KCNH5: variants seen among roughly 807,000 people sequenced by gnomAD.
KCNH5 encodes potassium voltage-gated channel subfamily H member 5.
In KCNH5, 46 loss-of-function variants were observed where a neutral mutation model predicts 96.1. That is an observed-to-expected ratio of 0.48 (90% CI 0.38 to 0.61). The LOEUF (loss-of-function observed/expected upper bound fraction) is 0.61, where lower values mean the gene tolerates loss of function less well. Ranked by LOEUF, KCNH5 falls within the 20% of genes least tolerant of loss-of-function variation. KCNH5 has a pLI of 0.00. For synonymous variants in KCNH5, 439 were observed against 449.8 expected, an observed-to-expected ratio of 0.98 and a Z score of 0.30; for missense variants, 907 against 1,225.8, an observed-to-expected ratio of 0.74 and a Z score of 3.88.
At chr14:62,984,447 G>C (rs1890667102) in intron 5 of KCNH5, among the ~76,000 whole-genome samples, 1 of 152,148 alleles carries the variant, frequency 6.6e-6, no homozygotes, top group Non-Finnish European at 1.5e-5. Context: ...AAATTTATCT[G>C]TCTTTGAAAA....
chr14:62,904,315 C>T (rs1052423479), intron 7 of KCNH5, among the ~76,000 whole-genome samples: 3 of 152,326 alleles, frequency 2.0e-5, no homozygotes, highest in East Asian at 3.9e-4. Flanking sequence ...AGGGTCTCCA[C>T]GCTAAATTCA....
intron 8 of KCNH5, among the ~76,000 whole-genome samples, chr14:62,818,521 G>A (rs1887046487): frequency 6.6e-6 from 1 of 152,104 alleles, no homozygotes; most frequent in African/African-American, 2.4e-5. Context: ...AATGTATCAA[G>A]TCTTGAAGAA....
intron 10 of KCNH5, among the ~76,000 whole-genome samples, chr14:62,761,829 G>C (rs1261733371): frequency 6.6e-6 from 1 of 152,156 alleles, no homozygotes; most frequent in Admixed American, 6.5e-5. Flanking sequence ...GCATCAAGAA[G>C]ACTGGCACAC....
intron 10 of KCNH5, among the ~76,000 whole-genome samples, chr14:62,720,775 G>A (rs1283291959): frequency 1.3e-5 from 2 of 152,150 alleles, no homozygotes; most frequent in Admixed American, 1.3e-4. Flanking sequence ...TTTAGTCTAA[G>A]CCGAAGGACA....
At chr14:62,964,936 C>T (rs565128192) in intron 6 of KCNH5, among the ~76,000 whole-genome samples, 9 of 152,172 alleles carry the variant, frequency 5.9e-5, no homozygotes, top group East Asian at 1.9e-4. Flanking sequence ...ACTATTGCAA[C>T]GGTCTTGAAT....
At chr14:62,871,885 A>C (rs1262464223) in intron 7 of KCNH5, among the ~76,000 whole-genome samples, 1 of 152,178 alleles carries the variant, frequency 6.6e-6, no homozygotes, top group Admixed American at 6.5e-5. Context: ...ATTTGTATGA[A>C]AATCTCAGAC....
chr14:62,783,273 A>C (rs1435324698), intron 9 of KCNH5, among the ~76,000 whole-genome samples: 1 of 152,190 alleles, frequency 6.6e-6, no homozygotes, highest in Non-Finnish European at 1.5e-5. Context: ...GTTATGGAAC[A>C]ATGTATGGTT....
intron 8 of KCNH5, among the ~76,000 whole-genome samples, chr14:62,818,875 T>C (rs1887054510): frequency 6.6e-6 from 1 of 152,204 alleles, no homozygotes; most frequent in South Asian, 2.1e-4. Flanking sequence ...AAATAATGGT[T>C]ACAGGAAACA....
intron 8 of KCNH5, among the ~76,000 whole-genome samples, chr14:62,804,379 T>C (rs559650922): frequency 2.0e-5 from 3 of 152,320 alleles, no homozygotes; most frequent in South Asian, 4.1e-4. Flanking sequence ...TTACTGACTT[T>C]GGACAATATA....
chr14:62,750,250 A>C (rs1176031652), intron 10 of KCNH5, among the ~76,000 whole-genome samples: 1 of 152,190 alleles, frequency 6.6e-6, no homozygotes, highest in Non-Finnish European at 1.5e-5. Context: ...TTACGTATAA[A>C]AAGCTTTTTT....
chr14:62,802,535 T>G lies in KCNH5; in HGVS notation c.1616A>C (p.His539Pro), dbSNP rs763168479. The change falls in exon 9 of 11, where the codon CAT becomes CCT. Residue 539 changes from histidine to proline, a missense_variant. Around this residue, in one of 6 missense-constraint regions of KCNH5, gnomAD observed 95 missense variants for 111.8 expected, o/e 0.85. Transcript: ENST00000322893. Reference protein sequence around the residue: ...PKDMRADICVHLNRKVFNEHP... With the variant: ...PKDMRADICVPLNRKVFNEHP... The stretch of plus-strand genomic sequence containing the variant: ...TTCATTAAAAACCTTCCGGTTTAGA[T>G]GAACACAGATATCAGCTCTCATGTC... The G allele has an allele frequency of 6.2e-7, 1 of 1,614,068 alleles. No homozygotes were observed. Among genetic ancestry groups the G allele is most frequent in the Non-Finnish European group, 8.5e-7 (1 of 1,179,994 alleles).
At chr14:62,917,354 G>GTTTTTTTTTTTTTT in intron 7 of KCNH5, among the ~76,000 whole-genome samples, 1 of 134,730 alleles carries the variant, frequency 7.4e-6, no homozygotes, top group Non-Finnish European at 1.6e-5. Context: ...GGTTTGTTAG[G>GTTTTTTTTTTTTTT]TTTTTTTTTT....
chr14:62,923,025 C>T (rs569391341), intron 7 of KCNH5, among the ~76,000 whole-genome samples: 1 of 151,702 alleles, frequency 6.6e-6, no homozygotes, highest in African/African-American at 2.4e-5. Context: ...ATATAGAAAA[C>T]CATAAATCTT....
chr14:62,837,635 G>T (rs1212734221), intron 8 of KCNH5, among the ~76,000 whole-genome samples: 4 of 152,116 alleles, frequency 2.6e-5, no homozygotes, highest in Non-Finnish European at 5.9e-5. Context: ...TGAAGTTTGA[G>T]GTTTGGAGTT....
chr14:62,964,176 G>C (rs144544177), intron 6 of KCNH5, among the ~76,000 whole-genome samples: 2 of 151,946 alleles, frequency 1.3e-5, no homozygotes, highest in African/African-American at 4.8e-5. Context: ...GCTCTGCCTT[G>C]GGCCAAGTTC....
At chr14:63,015,068 A>C (rs1287414994) in intron 2 of KCNH5, among the ~76,000 whole-genome samples, 3 of 152,088 alleles carry the variant, frequency 2.0e-5, no homozygotes, top group Non-Finnish European at 4.4e-5. Flanking sequence ...CCCATTTACC[A>C]ATTTCCATAC....
At chr14:62,970,152 G>A (rs906682494) in intron 6 of KCNH5, among the ~76,000 whole-genome samples, 3 of 151,228 alleles carry the variant, frequency 2.0e-5, no homozygotes, top group Non-Finnish European at 4.4e-5. Context: ...AATAAAAGAG[G>A]GGACACTACT....
chr14:62,941,967 A>C (rs562374353), intron 7 of KCNH5, among the ~76,000 whole-genome samples: 1 of 152,012 alleles, frequency 6.6e-6, no homozygotes, highest in Non-Finnish European at 1.5e-5. Context: ...CTAGCTGCCT[A>C]ATTTCTATAT....
At chr14:62,915,929 G>A (rs1016347950) in intron 7 of KCNH5, among the ~76,000 whole-genome samples, 2 of 150,630 alleles carry the variant, frequency 1.3e-5, no homozygotes, top group Admixed American at 1.3e-4. Context: ...CTTAGCCAGG[G>A]TTTCTTTTTT....
Sources: allele counts gnomAD v4.1 joint callset (sites outside exome capture counted in the v4.1 genomes callset), GRCh38; gene constraint gnomAD v4.1.1; regional missense constraint gnomAD v4.1.1; transcripts MANE v1.5; gene names NCBI Gene and HGNC (gene_info 2026-07-23, HGNC 2026-07-21).